SDK2: variants seen among roughly 807,000 people sequenced by gnomAD.
SDK2 encodes protein sidekick-2.
A neutral mutation model predicts 253.9 loss-of-function variants in SDK2; 105 were observed. The observed-to-expected ratio is 0.41, with a 90% confidence interval of 0.35 to 0.49. SDK2 has a LOEUF of 0.49. SDK2 is among the 20% of genes least tolerant of loss of function. The pLI is 0.06. For missense variants in SDK2, 2,608 were observed against 3,003.0 expected, an observed-to-expected ratio of 0.87 and a Z score of 3.07; for synonymous variants, 1,249 against 1,234.9, an observed-to-expected ratio of 1.01 and a Z score of -0.24.
At chr17:73,627,146 G>A (rs1400643019) in intron 1 of SDK2, among the ~76,000 whole-genome samples, 2 of 152,168 alleles carry the variant, frequency 1.3e-5, no homozygotes, top group South Asian at 2.1e-4. Context: ...GAAAGGATTC[G>A]ATGTGTTAAT....
At chr17:73,624,401 G>A (rs2046174932) in intron 1 of SDK2, among the ~76,000 whole-genome samples, 1 of 152,202 alleles carries the variant, frequency 6.6e-6, no homozygotes, top group Admixed American at 6.5e-5. Flanking sequence ...GCTGAGGCAT[G>A]AAAATCTCTT....
chr17:73,359,099 C>G (rs1031306755), intron 39 of SDK2, among the ~76,000 whole-genome samples: 1 of 152,064 alleles, frequency 6.6e-6, no homozygotes, highest in Non-Finnish European at 1.5e-5. Flanking sequence ...GGGCTCTGTA[C>G]CCCCAGAGCT....
At chr17:73,631,691 T>A in intron 1 of SDK2, among the ~76,000 whole-genome samples, 1 of 152,162 alleles carries the variant, frequency 6.6e-6, no homozygotes, top group Non-Finnish European at 1.5e-5. Flanking sequence ...AACATTTCCT[T>A]AGTGATGCAT....
intron 1 of SDK2, among the ~76,000 whole-genome samples, chr17:73,592,535 C>A (rs767009985): frequency 6.6e-6 from 1 of 152,216 alleles, no homozygotes; most frequent in South Asian, 2.1e-4. Flanking sequence ...AGCCATCTGT[C>A]CCCACCACCT....
intron 41 of SDK2, among the ~76,000 whole-genome samples, chr17:73,351,409 C>G (rs939386085): frequency 6.6e-6 from 1 of 152,140 alleles, no homozygotes; most frequent in Non-Finnish European, 1.5e-5. Context: ...CGTTCCCGGC[C>G]CCTTTTCTTT....
Position 73,361,564 on chromosome 17 carries a change from T to G in SDK2, c.5467+120A>C. On this transcript the variant is annotated intron_variant, in intron 39 of 44. Transcript: ENST00000392650. The surrounding 1 kb of genome is among the most constrained non-coding windows in gnomAD (Gnocchi z 4.1). ...GGTCACTGGGCACCAGGGGAAAGAG[T>G]GAGCTCTGTCCTCCACTCTGTTTCC... 2.0e-6 allele frequency: 2 copies of G among 980,608 alleles called. No individual in the cohort carries two copies. The highest frequency in any genetic ancestry group is 1.9e-5 in the South Asian group (1 of 52,664). 60.7% of individuals were successfully genotyped at this position (980,608 alleles called of 1,614,324 possible).
At position 73,612,928 on chromosome 17, in the gene SDK2, A is replaced by G. The variant is rs117469638; in HGVS notation, c.64+31097T>C. Among the ~76,000 whole-genome samples the G allele has an allele frequency of 3.8e-3, 584 of 152,140 alleles. 1 individual carries two copies. Among genetic ancestry groups the G allele is most frequent in the Non-Finnish European group, 4.6e-3 (316 of 67,982 alleles). On this transcript the variant is annotated intron_variant, in intron 1 of 44. Transcript: ENST00000392650. This position sits in a 1 kb window ranked among gnomAD's most constrained non-coding sequence, Gnocchi z 4.4. ...CGAGACTCCGTCTCAAATAATAATA[A>G]TAATAATAATAGTAATGGTAATAAT...
intron 1 of SDK2, among the ~76,000 whole-genome samples, chr17:73,544,467 C>A (rs1254602537): frequency 8.5e-5 from 13 of 152,130 alleles, no homozygotes. Flanking sequence ...AGAAGATACT[C>A]CACTTATTGG....
chr17:73,552,749 C>T (rs1361443181), intron 1 of SDK2, among the ~76,000 whole-genome samples: 5 of 152,210 alleles, frequency 3.3e-5, no homozygotes, highest in Admixed American at 2.0e-4. Flanking sequence ...CAATGGACCC[C>T]GCTGTAGGCT....
At position 73,413,588 on chromosome 17, in the gene SDK2, T is replaced by C. The variant is rs74866977; in HGVS notation, c.2484+1056A>G. 3.1e-3 allele frequency among the ~76,000 whole-genome samples: 468 copies of C among 152,266 alleles called. 17 individuals carry two copies. The East Asian group carries it at 0.083, about 27-fold the overall frequency. ...CTTGGTTATAGCAGCCCAAATGCAT[T>C]TCTACGACCACTAAAATCACTTTCC... On this transcript the variant is annotated intron_variant, in intron 18 of 44. Coordinates refer to ENST00000392650, the MANE Select transcript of SDK2 (RefSeq NM_001144952.2).
chr17:73,414,840 G>A (rs1453894717), intron 17 of SDK2, 81 bp from the exon 18 acceptor site: 1 of 865,180 alleles, frequency 1.2e-6, no homozygotes, highest in East Asian at 2.5e-5. Context: ...AAAACGCAGG[G>A]GTGGGGGCTA....
intron 5 of SDK2, among the ~76,000 whole-genome samples, chr17:73,446,506 C>T (rs1426286593): frequency 6.6e-6 from 1 of 152,190 alleles, no homozygotes; most frequent in African/African-American, 2.4e-5. Context: ...GAAGCGGTTC[C>T]TGCTGAAGTG....
At chr17:73,498,497 G>A (rs765693792) in intron 2 of SDK2, among the ~76,000 whole-genome samples, 8 of 152,222 alleles carry the variant, frequency 5.3e-5, no homozygotes, top group Non-Finnish European at 1.0e-4. Flanking sequence ...TCTGTGCCGG[G>A]CAGGCAGAAG....
intron 30 of SDK2, 45 bp from the exon 31 acceptor site, chr17:73,386,593 G>T (rs1258622336): frequency 1.5e-6 from 2 of 1,377,622 alleles, no homozygotes; most frequent in Non-Finnish European, 2.0e-6. Flanking sequence ...GCTCCTTAAA[G>T]GCCTCGCCCC....
intron 29 of SDK2, among the ~76,000 whole-genome samples, chr17:73,389,340 T>C (rs1045891465): frequency 2.1e-5 from 3 of 143,866 alleles, no homozygotes; most frequent in African/African-American, 8.9e-5. Flanking sequence ...TGTGCCACCA[T>C]GCCCAGCTAA....
chr17:73,444,204 G>A (rs1178361831), intron 5 of SDK2, among the ~76,000 whole-genome samples: 2 of 152,314 alleles, frequency 1.3e-5, no homozygotes, highest in Non-Finnish European at 1.5e-5. Context: ...GGTGGGAGTC[G>A]CAGGCTCGGG....
chr17:73,503,917 T>C (rs1236885497), intron 2 of SDK2, among the ~76,000 whole-genome samples: 1 of 152,220 alleles, frequency 6.6e-6, no homozygotes, highest in African/African-American at 2.4e-5. Context: ...TTGTGAGCCC[T>C]GAACTTCTCA....
At chr17:73,595,777 G>A (rs1042488262) in intron 1 of SDK2, among the ~76,000 whole-genome samples, 3 of 152,142 alleles carry the variant, frequency 2.0e-5, no homozygotes, top group African/African-American at 4.8e-5. Context: ...ACTCCTCACC[G>A]GCAGGCCCTG....
chr17:73,555,436 G>A (rs1463403903), intron 1 of SDK2, among the ~76,000 whole-genome samples: 2 of 152,210 alleles, frequency 1.3e-5, no homozygotes, highest in Non-Finnish European at 1.5e-5. Context: ...TGGACTCCGC[G>A]CAGCTCATCC....
Sources: gnomAD v4.1 joint callset for allele counts (sites outside exome capture counted in the v4.1 genomes callset) on GRCh38, gnomAD v4.1.1 for gene constraint, Gnocchi (gnomAD v3.1) non-coding constraint, MANE v1.5 for transcripts, NCBI Gene and HGNC (gene_info 2026-07-23, HGNC 2026-07-21) for gene names.